Variants in PBRM1 observed in about 807,000 individuals in gnomAD.
The protein encoded by PBRM1 is protein polybromo-1.
Under a neutral mutation model 194.5 loss-of-function variants are expected in PBRM1, and 27 were observed. The ratio of observed to expected loss-of-function variants is 0.14; its 90% CI spans 0.10 to 0.19. The LOEUF is 0.19. PBRM1 is among the 10% of genes least tolerant of loss of function. PBRM1 has a pLI of 1.00. For synonymous variants in PBRM1, 655 were observed against 693.2 expected (o/e 0.94, Z 0.87); for missense variants, 1,466 against 2,077.2 (o/e 0.71, Z 5.72).
chr3:52,595,149 T>G (rs2093431508), intron 17 of PBRM1, among the ~76,000 whole-genome samples: 1 of 152,206 alleles, frequency 6.6e-6, no homozygotes, highest in South Asian at 2.1e-4. Flanking sequence ...CTTTCTCATC[T>G]TTGTGGGCTA....
chr3:52,619,300 T>G (rs893358049), intron 13 of PBRM1, among the ~76,000 whole-genome samples: 1 of 152,232 alleles, frequency 6.6e-6, no homozygotes, highest in African/African-American at 2.4e-5. Flanking sequence ...CCGAAATACA[T>G]AGATGCTCAA....
chr3:52,627,185 A>G, intron 13 of PBRM1, 88 bp downstream of exon 14: 1 of 697,734 alleles, frequency 1.4e-6, no homozygotes, highest in South Asian at 1.9e-5. Flanking sequence ...TTACAACTTG[A>G]TAGCTTAAAA....
chr3:52,612,235 G>A (rs2094662081), intron 15 of PBRM1, among the ~76,000 whole-genome samples: 1 of 117,192 alleles, frequency 8.5e-6, no homozygotes, highest in African/African-American at 3.3e-5. Flanking sequence ...CTCCAGCCTA[G>A]GCAACAGAGC....
At chr3:52,565,186 G>A (rs540070596) in intron 22 of PBRM1, among the ~76,000 whole-genome samples, 3 of 150,698 alleles carry the variant, frequency 2.0e-5, no homozygotes, top group Non-Finnish European at 3.0e-5. Context: ...GCGAAAGAGC[G>A]AGACTCCGTC....
At chr3:52,572,793 C>T (rs2087870627) in intron 22 of PBRM1, among the ~76,000 whole-genome samples, 1 of 152,144 alleles carries the variant, frequency 6.6e-6, no homozygotes, top group Admixed American at 6.5e-5. Context: ...AATGATACAC[C>T]TCATCTAATT....
Sources: gnomAD v4.1 joint callset for allele counts (sites outside exome capture counted in the v4.1 genomes callset) on GRCh38, gnomAD v4.1.1 for gene constraint, MANE v1.5 for transcripts, NCBI Gene and HGNC (gene_info 2026-07-23, HGNC 2026-07-21) for gene names.